Variants in PRKCZ observed in about 807,000 individuals in gnomAD.
PRKCZ encodes protein kinase C zeta.
A neutral mutation model predicts 79.5 loss-of-function variants in PRKCZ; 33 were observed. That is an observed-to-expected ratio of 0.41 (90% CI 0.31 to 0.55). PRKCZ has a LOEUF of 0.55. Ranked by LOEUF, PRKCZ falls within the 20% of genes least tolerant of loss-of-function variation. PRKCZ has a pLI of 0.19. For synonymous variants in PRKCZ, 342 were observed against 320.9 expected, an observed-to-expected ratio of 1.07 and a Z score of -0.70; for missense variants, 578 against 813.5, an observed-to-expected ratio of 0.71 and a Z score of 3.52.
chr1:2,155,204 G>T (rs1680716481), intron 9 of PRKCZ, among the ~76,000 whole-genome samples: 1 of 152,030 alleles, frequency 6.6e-6, no homozygotes, highest in Admixed American at 6.5e-5. Context: ...AGATGTTGAT[G>T]ATGGCGGTGA....
chr1:2,065,447 G>A (rs1433609248), intron 4 of PRKCZ, among the ~76,000 whole-genome samples: 1 of 152,198 alleles, frequency 6.6e-6, no homozygotes, highest in African/African-American at 2.4e-5. Flanking sequence ...GGGAGGCCCA[G>A]GCGGGTGGAT....
In PRKCZ at chr1:2,173,803, G is replaced by C. The variant is rs545707424; in HGVS notation, c.1286-94G>C. On this transcript the variant is annotated intron_variant, in intron 13 of 17. Coordinates refer to ENST00000378567, the MANE Select transcript of PRKCZ (RefSeq NM_002744.6). This position sits in a 1 kb window ranked among gnomAD's most constrained non-coding sequence, Gnocchi z 5.7. ...GCCTGCTCAAGCCTGGCTCACACTC[G>C]TGTCAACTGGGCATGAAAACCAACG... 1.3e-6 allele frequency: 2 copies of C among 1,486,268 alleles called. No homozygotes were observed. The highest frequency in any genetic ancestry group is 1.8e-6 in the Non-Finnish European group (2 of 1,112,726). 92.1% of individuals were successfully genotyped at this position (1,486,268 alleles called of 1,614,324 possible).
At chr1:2,142,448 C>A (rs1677567407) in intron 5 of PRKCZ, 1 of 209,436 alleles carries the variant, frequency 4.8e-6, no homozygotes, top group Admixed American at 5.7e-5. Context: ...GTCCACACAT[C>A]CAGCAGCCGA....
chr1:2,104,463 G>A (rs1470612495), intron 4 of PRKCZ, among the ~76,000 whole-genome samples: 1 of 152,168 alleles, frequency 6.6e-6, no homozygotes, highest in African/African-American at 2.4e-5. Flanking sequence ...CAGTACAGCA[G>A]CATCGGTCTG....
At chr1:2,068,656 G>A (rs114889562) in intron 4 of PRKCZ, among the ~76,000 whole-genome samples, 3,301 of 152,308 alleles carry the variant, frequency 0.022, 98 homozygotes, top group African/African-American at 0.076. Flanking sequence ...CATCCTCAAC[G>A]CACCACAGTT....
At chr1:2,095,662 T>C (rs1229927242) in intron 4 of PRKCZ, among the ~76,000 whole-genome samples, 1 of 151,780 alleles carries the variant, frequency 6.6e-6, no homozygotes, top group Non-Finnish European at 1.5e-5. Flanking sequence ...TGGCATGGGC[T>C]CACGTCCGTG....
chr1:2,164,550 ACTGT>A (rs1682959583), intron 10 of PRKCZ, among the ~76,000 whole-genome samples: 1 of 152,044 alleles, frequency 6.6e-6, no homozygotes, highest in South Asian at 2.1e-4. Flanking sequence ...GGAACTGGAA[ACTGT>A]CAGGGCGACA....
chr1:2,062,192 A>T (rs887043259), intron 4 of PRKCZ, among the ~76,000 whole-genome samples: 3 of 152,242 alleles, frequency 2.0e-5, no homozygotes, highest in Admixed American at 1.3e-4. Context: ...TACAACTATC[A>T]TCTCTATGTA....
intron 4 of PRKCZ, among the ~76,000 whole-genome samples, chr1:2,111,043 C>T (rs1238114283): frequency 1.3e-5 from 2 of 152,158 alleles, no homozygotes; most frequent in Admixed American, 6.5e-5. Context: ...CCAGTTCACA[C>T]AGCATGGCGA....
At chr1:2,086,133 C>T (rs1378348894) in intron 4 of PRKCZ, among the ~76,000 whole-genome samples, 1 of 150,404 alleles carries the variant, frequency 6.6e-6, no homozygotes, top group Non-Finnish European at 1.5e-5. Context: ...GCAATCTTGG[C>T]TCACTGCAAC....
chr1:2,175,376 C>T (rs1407654847), intron 16 of PRKCZ, 63 bp downstream of exon 16: 8 of 1,356,806 alleles, frequency 5.9e-6, no homozygotes, highest in Middle Eastern at 2.2e-4. Flanking sequence ...CTACCCAACC[C>T]CCATCCCAAC....
chr1:2,160,266 TGTG>T (rs1681970868), intron 10 of PRKCZ, among the ~76,000 whole-genome samples: 1 of 151,940 alleles, frequency 6.6e-6, no homozygotes, highest in Admixed American at 6.6e-5. Context: ...TGTGTGTGTG[TGTG>T]TGTCAGTTAT....
chr1:2,053,386 AC>A (rs1659873112), intron 1 of PRKCZ, among the ~76,000 whole-genome samples: 1 of 152,168 alleles, frequency 6.6e-6, no homozygotes, highest in Non-Finnish European at 1.5e-5. Context: ...GGCGTGAGTC[AC>A]CGCGCCTGGC....
chr1:2,152,829 T>C (rs1680167915), intron 9 of PRKCZ, among the ~76,000 whole-genome samples: 1 of 152,256 alleles, frequency 6.6e-6, no homozygotes, highest in Admixed American at 6.5e-5. Flanking sequence ...CCTTCCTCTC[T>C]CTGCCTGGCC....
At chr1:2,068,314 C>G (rs751093947) in intron 4 of PRKCZ, among the ~76,000 whole-genome samples, 4 of 152,250 alleles carry the variant, frequency 2.6e-5, no homozygotes, top group African/African-American at 9.6e-5. Context: ...GAAGCTGGAG[C>G]TGGGAGGCTG....
At chr1:2,074,388 T>C (rs1053364695) in intron 4 of PRKCZ, 4 of 1,437,430 alleles carry the variant, frequency 2.8e-6, no homozygotes, top group South Asian at 2.5e-5. Flanking sequence ...AGGGAGTTGC[T>C]GGCTGTTGGG....
At chr1:2,057,550 C>T (rs1660281727) in intron 3 of PRKCZ, among the ~76,000 whole-genome samples, 1 of 152,134 alleles carries the variant, frequency 6.6e-6, no homozygotes, top group Non-Finnish European at 1.5e-5. Flanking sequence ...TTTCTTCGCC[C>T]TTTATATCAA....
intron 4 of PRKCZ, among the ~76,000 whole-genome samples, chr1:2,108,898 G>T (rs1250281103): frequency 5.3e-5 from 8 of 152,334 alleles, no homozygotes; most frequent in Middle Eastern, 3.4e-3. Flanking sequence ...GGCACCAGCT[G>T]GGTGGGTTCT....
In PRKCZ at chr1:2,127,952, C is replaced by T. The variant is rs1002787763; in HGVS notation, c.335-7310C>T. On this transcript the variant is annotated intron_variant, in intron 4 of 17. Coordinates refer to ENST00000378567, the MANE Select transcript of PRKCZ (RefSeq NM_002744.6). This position sits in a 1 kb window ranked among gnomAD's most constrained non-coding sequence, Gnocchi z 5.1. ...TTGCTGTTCTTGTGTCTCTATTTGC[C>T]TAGGACATGCTGGCAGCTAACTGGG... 6.6e-6 allele frequency among the ~76,000 whole-genome samples: 1 copy of T among 152,244 alleles called. No individual in the cohort carries two copies. The highest frequency in any genetic ancestry group is 1.5e-5 in the Non-Finnish European group (1 of 68,042).
Sources: allele counts gnomAD v4.1 joint callset (sites outside exome capture counted in the v4.1 genomes callset), GRCh38; gene constraint gnomAD v4.1.1; non-coding constraint Gnocchi (gnomAD v3.1); transcripts MANE v1.5; gene names NCBI Gene and HGNC (gene_info 2026-07-23, HGNC 2026-07-21).